The following TGFBR3 variants were observed in gnomAD, a reference collection of about 807,000 sequenced individuals.
TGFBR3 encodes transforming growth factor beta receptor 3.
A neutral mutation model predicts 87.9 loss-of-function variants in TGFBR3; 46 were observed. That is an observed-to-expected ratio of 0.52 (90% CI 0.41 to 0.67). TGFBR3 has a LOEUF of 0.67. Ranked by LOEUF, TGFBR3 falls within the 30% of genes least tolerant of loss-of-function variation. The probability of loss-of-function intolerance (pLI) is 0.00; values close to 1 mark genes in which losing one functional copy is unlikely to be tolerated. For missense variants in TGFBR3, 866 were observed against 1,041.9 expected (o/e 0.83, Z 2.32); for synonymous variants, 381 against 391.6 (o/e 0.97, Z 0.32).
intron 1 of TGFBR3, among the ~76,000 whole-genome samples, chr1:91,878,041 C>T (rs934465376): frequency 6.6e-6 from 1 of 152,258 alleles, no homozygotes; most frequent in East Asian, 1.9e-4. Flanking sequence ...GTCAATGGTG[C>T]TTTCCCTCAA....
intron 2 of TGFBR3, among the ~76,000 whole-genome samples, chr1:91,858,989 A>G (rs1678072536): frequency 6.6e-6 from 1 of 151,392 alleles, no homozygotes; most frequent in African/African-American, 2.4e-5. Flanking sequence ...CAGGAGGCAG[A>G]GGTTGCAGTG....
intron 2 of TGFBR3, among the ~76,000 whole-genome samples, chr1:91,833,295 CA>C (rs33915205): frequency 4.2e-3 from 133 of 32,046 alleles, no homozygotes; most frequent in Non-Finnish European, 5.8e-3. Flanking sequence ...GACTCCGACT[CA>C]AAAAAAAAAA....
chr1:91,718,419 T>C (rs1672250046), intron 10 of TGFBR3, among the ~76,000 whole-genome samples: 1 of 152,068 alleles, frequency 6.6e-6, no homozygotes, highest in South Asian at 2.1e-4. Flanking sequence ...CAGCCACAGC[T>C]CAGCCACCCC....
chr1:91,860,981 G>C (rs190043417), intron 2 of TGFBR3, among the ~76,000 whole-genome samples: 1 of 135,634 alleles, frequency 7.4e-6, no homozygotes, highest in South Asian at 2.6e-4. Context: ...ATTGAAATAT[G>C]TGAAATAGGC....
chr1:91,755,244 C>T (rs760643894), intron 4 of TGFBR3, among the ~76,000 whole-genome samples: 11 of 152,022 alleles, frequency 7.2e-5, no homozygotes, highest in African/African-American at 2.7e-4. Flanking sequence ...ATCACCAGAC[C>T]CTCTGTGGCA....
At position 91,770,508 on chromosome 1, in the gene TGFBR3, G is replaced by A. The variant is rs17883681; in HGVS notation, c.247-11758C>T. Among the ~76,000 whole-genome samples, 1,143 of 152,092 alleles carry A rather than the reference G, an allele frequency of 7.5e-3. 23 individuals are homozygous for A. The highest frequency in any genetic ancestry group is 0.026 in the African/African-American group (1,080 of 41,504). On this transcript the variant is annotated intron_variant, in intron 3 of 16. Transcript: ENST00000212355. The stretch of plus-strand genomic sequence containing the variant: ...GTAACTAAAACAGAAATCTCTTCAT[G>A]GATTTATAAGAGGCTTCAATATTTA...
chr1:91,878,281 G>GAAAAAAAAAAAAA (rs11288871), intron 1 of TGFBR3, among the ~76,000 whole-genome samples: 1 of 123,618 alleles, frequency 8.1e-6, no homozygotes, highest in Non-Finnish European at 1.7e-5. Context: ...AGAATGAAAA[G>GAAAAAAAAAAAAA]AAAAAAAAAA....
intron 3 of TGFBR3, among the ~76,000 whole-genome samples, chr1:91,793,675 A>ATAT (rs997851463): frequency 2.6e-5 from 4 of 152,026 alleles, no homozygotes; most frequent in African/African-American, 9.6e-5. Context: ...GCACGGTGGC[A>ATAT]TATGCCTGTA....
intron 13 of TGFBR3, among the ~76,000 whole-genome samples, chr1:91,709,596 C>T (rs1671911550): frequency 6.6e-6 from 1 of 152,132 alleles, no homozygotes; most frequent in Non-Finnish European, 1.5e-5. Context: ...AAATGCAGAT[C>T]CTGGGGGCTG....
Position 91,716,553 on chromosome 1 carries a change from A to G in TGFBR3, c.1707+15T>C, listed in dbSNP as rs1672179608. The G allele has an allele frequency of 1.2e-6, 2 of 1,614,112 alleles. No homozygotes were observed. Among genetic ancestry groups the G allele is most frequent in the African/African-American group, 1.3e-5 (1 of 75,066 alleles). On this transcript the variant is annotated intron_variant, in intron 11 of 16. Coordinates refer to ENST00000212355, the MANE Select transcript of TGFBR3 (RefSeq NM_003243.5). ...AGCATTTTCCACAAACCCCCTACTGATAACAAACACATACCACCACGATTT... is the reference window on the plus strand; with the variant it reads ...AGCATTTTCCACAAACCCCCTACTGGTAACAAACACATACCACCACGATTT...
chr1:91,830,839 A>C (rs546104612), intron 2 of TGFBR3, among the ~76,000 whole-genome samples: 1 of 152,030 alleles, frequency 6.6e-6, no homozygotes, highest in South Asian at 2.1e-4. Flanking sequence ...TGGAAAAGTG[A>C]GTGTGGAGTT....
intron 2 of TGFBR3, among the ~76,000 whole-genome samples, chr1:91,798,324 C>T (rs181510635): frequency 7.9e-5 from 12 of 152,330 alleles, no homozygotes; most frequent in Admixed American, 2.0e-4. Context: ...GTGGGAAGTT[C>T]CTGTCCCTTC....
intron 1 of TGFBR3, among the ~76,000 whole-genome samples, chr1:91,863,458 G>A (rs1678273589): frequency 6.6e-6 from 1 of 152,178 alleles, no homozygotes; most frequent in Non-Finnish European, 1.5e-5. Flanking sequence ...TGAGGATTCA[G>A]TTAGTTAATA....
chr1:91,790,709 G>GT (rs1489819824), intron 3 of TGFBR3, among the ~76,000 whole-genome samples: 1 of 152,162 alleles, frequency 6.6e-6, no homozygotes, highest in Non-Finnish European at 1.5e-5. Context: ...ATAGCCCTGG[G>GT]TTTTTTGTTT....
At chr1:91,859,132 A>AAT (rs1279066677) in intron 2 of TGFBR3, among the ~76,000 whole-genome samples, 3 of 152,028 alleles carry the variant, frequency 2.0e-5, no homozygotes, top group East Asian at 3.9e-4. Context: ...ATTCAACTCA[A>AAT]ATATATATAT....
intron 2 of TGFBR3, among the ~76,000 whole-genome samples, chr1:91,892,191 G>A (rs986586326): frequency 1.3e-5 from 2 of 152,136 alleles, no homozygotes; most frequent in Non-Finnish European, 2.9e-5. Flanking sequence ...TGATGAAGCA[G>A]GAAACCTCAC....
chr1:91,763,099 G>A (rs947228204), intron 3 of TGFBR3, among the ~76,000 whole-genome samples: 6 of 152,188 alleles, frequency 3.9e-5, no homozygotes, highest in Non-Finnish European at 8.8e-5. Flanking sequence ...ATTACTTTAT[G>A]AAAATGAATT....
At chr1:91,857,626 G>A (rs574908439) in intron 2 of TGFBR3, among the ~76,000 whole-genome samples, 2 of 152,264 alleles carry the variant, frequency 1.3e-5, no homozygotes, top group East Asian at 3.9e-4. Context: ...CCTAAATAAA[G>A]TACAAGCAAC....
At chr1:91,813,414 A>T (rs1676096070) in intron 2 of TGFBR3, among the ~76,000 whole-genome samples, 2 of 152,204 alleles carry the variant, frequency 1.3e-5, no homozygotes, top group African/African-American at 2.4e-5. Flanking sequence ...CAAAGTTCTT[A>T]TGGTCCCTCA....
Sources: gnomAD v4.1 joint callset for allele counts (sites outside exome capture counted in the v4.1 genomes callset) on GRCh38, gnomAD v4.1.1 for gene constraint, MANE v1.5 for transcripts, NCBI Gene and HGNC (gene_info 2026-07-23, HGNC 2026-07-21) for gene names.